Variants in EVL observed in about 807,000 individuals in gnomAD.
EVL encodes ena/VASP-like protein.
EVL carries 21 observed loss-of-function variants against 59.6 expected under a neutral mutation model. The observed-to-expected ratio is 0.35, with a 90% CI of 0.25 to 0.51. EVL has a LOEUF of 0.51. EVL is among the 20% of genes least tolerant of loss of function. The pLI, the probability that EVL is intolerant of heterozygous loss-of-function variation, is 0.97. For missense variants in EVL, 462 were observed against 546.6 expected (o/e 0.85, Z 1.54); for synonymous variants, 198 against 203.5 (o/e 0.97, Z 0.23).
At chr14:100,101,352 G>A (rs1036533889) in intron 3 of EVL, among the ~76,000 whole-genome samples, 20 of 152,152 alleles carry the variant, frequency 1.3e-4, no homozygotes, top group East Asian at 3.8e-4. Context: ...ATGATGGTGC[G>A]TGCCTGTAAT....
intron 1 of EVL, among the ~76,000 whole-genome samples, chr14:100,083,849 C>T (rs1276043675): frequency 2.0e-5 from 3 of 152,168 alleles, no homozygotes; most frequent in Non-Finnish European, 2.9e-5. Flanking sequence ...AGAATATTAT[C>T]TATGTCATAT....
intron 1 of EVL, among the ~76,000 whole-genome samples, chr14:100,000,451 G>A (rs1456921843): frequency 1.4e-5 from 2 of 147,426 alleles, no homozygotes; most frequent in South Asian, 2.1e-4. Flanking sequence ...GGGTTCAAAC[G>A]ATTCTCCTGC....
At chr14:99,987,567 G>A (rs750280571) in intron 1 of EVL, among the ~76,000 whole-genome samples, 7 of 152,144 alleles carry the variant, frequency 4.6e-5, no homozygotes, top group East Asian at 1.9e-4. Flanking sequence ...ACTTGAACCC[G>A]GGAGGTGGAG....
chr14:100,103,483 TC>T (rs1344969210), intron 3 of EVL, among the ~76,000 whole-genome samples: 1 of 152,122 alleles, frequency 6.6e-6, no homozygotes, highest in African/African-American at 2.4e-5. Flanking sequence ...AACTTCTGTC[TC>T]CCCGCTTGGC....
rs866563970 is a variant in EVL at position 99,972,202 on chromosome 14, T to A, written c.5+145T>A. 1 of 183,800 alleles carries A rather than the reference T, an allele frequency of 5.4e-6. No homozygotes were observed. Among genetic ancestry groups the A allele is most frequent in the Non-Finnish European group, 1.1e-5 (1 of 88,868 alleles). The allele number at this position is 183,800 out of a possible 1,614,324, so 11.4% of individuals were successfully genotyped here. A position where few individuals can be genotyped will look rare whatever the true frequency, so the allele number is the denominator to read the frequency against. On this transcript the variant is annotated intron_variant, in intron 1 of 13. Coordinates refer to the EVL transcript ENST00000402714. The surrounding 1 kb of genome is among the most constrained non-coding windows in gnomAD (Gnocchi z 4.4). ...AGAACCGCGGGGGCTCTGCAGAGAT[T>A]CGGGGGCATTCAGAGCGCGGGAATG...
intron 1 of EVL, among the ~76,000 whole-genome samples, chr14:100,040,094 A>C (rs955130929): frequency 1.3e-5 from 2 of 152,022 alleles, no homozygotes; most frequent in African/African-American, 4.8e-5. Context: ...TGAGCTGTTG[A>C]TCTTTGTGGC....
intron 4 of EVL, among the ~76,000 whole-genome samples, chr14:100,124,923 A>T (rs1433195016): frequency 6.6e-6 from 1 of 152,050 alleles, no homozygotes; most frequent in Non-Finnish European, 1.5e-5. Context: ...CCAAGGCAGG[A>T]CCACACACAT....
rs560325327 is a variant in EVL, at chr14:100,040,911, G to A, written c.6-43776G>A. 3.9e-5 allele frequency among the ~76,000 whole-genome samples: 6 copies of A among 152,218 alleles called. No individual in the cohort carries two copies. In the South Asian group the frequency reaches 1.2e-3, roughly 32 times the overall value. On this transcript the variant is annotated intron_variant, in intron 1 of 13. Coordinates refer to the EVL transcript ENST00000402714. ...TGGTAGTTATTAGCACATTCCCCCT[G>A]AAAAAGCATAATATGCTTAAGCTAC...
upstream of EVL, among the ~76,000 whole-genome samples, chr14:100,061,198 C>G (rs966577311): frequency 2.4e-4 from 36 of 151,616 alleles, no homozygotes; most frequent in African/African-American, 8.7e-4. Flanking sequence ...TGAGACCAGC[C>G]AGGGCAACAT....
At chr14:100,062,549 G>A (rs1251477362), upstream of EVL, among the ~76,000 whole-genome samples, 1 of 152,092 alleles carries the variant, frequency 6.6e-6, no homozygotes, top group East Asian at 1.9e-4. Flanking sequence ...AAACAGATGA[G>A]ACAAACAGAA....
At chr14:99,996,697 G>T (rs1320539970) in intron 1 of EVL, among the ~76,000 whole-genome samples, 1 of 151,940 alleles carries the variant, frequency 6.6e-6, no homozygotes, top group Non-Finnish European at 1.5e-5. Context: ...TGTCACCCAG[G>T]CTGGAGGTCA....
chr14:100,019,740 G>A (rs1053014425), intron 1 of EVL: 1 of 1,508,474 alleles, frequency 6.6e-7, no homozygotes, highest in Non-Finnish European at 8.9e-7. Context: ...GTTCTCGCTA[G>A]GTTTTTGCTG....
At chr14:100,133,471 G>C (rs996402388) in intron 8 of EVL, among the ~76,000 whole-genome samples, 2 of 152,242 alleles carry the variant, frequency 1.3e-5, no homozygotes, top group Non-Finnish European at 2.9e-5. Flanking sequence ...ACCAGAGCAG[G>C]CTTCCTGCCC....
chr14:100,134,631 G>GA, intron 8 of EVL: 1 of 152,358 alleles, frequency 6.6e-6, no homozygotes, highest in Admixed American at 6.5e-5. Flanking sequence ...ATGCTTCCTG[G>GA]TATTTCCCCA....
intron 1 of EVL, among the ~76,000 whole-genome samples, chr14:100,008,554 C>G (rs779569563): frequency 4.6e-5 from 7 of 152,204 alleles, no homozygotes; most frequent in Non-Finnish European, 1.0e-4. Context: ...GCAACTACTC[C>G]TTTACCCTTC....
intron 9 of EVL, 140 bp downstream of exon 9, chr14:100,136,108 A>G: frequency 1.2e-6 from 1 of 833,268 alleles, no homozygotes; most frequent in East Asian, 2.5e-5. Flanking sequence ...CCCATTTCTT[A>G]TGGGTCCCCC....
intron 1 of EVL, among the ~76,000 whole-genome samples, chr14:99,991,172 C>A (rs2060873690): frequency 6.6e-6 from 1 of 152,166 alleles, no homozygotes; most frequent in Non-Finnish European, 1.5e-5. Context: ...TTATCCATTT[C>A]CACTTAGTGA....
Position 100,126,706 on chromosome 14 carries a change from G to C in EVL, c.423-1G>C. 1 of 1,614,136 alleles carries C rather than the reference G, an allele frequency of 6.2e-7. No homozygotes were observed. The highest frequency in any genetic ancestry group is 1.7e-5 in the Admixed American group (1 of 60,020). On this transcript the variant is annotated splice_acceptor_variant, in intron 4 of 13. Coordinates refer to ENST00000392920, the MANE Select transcript of EVL (RefSeq NM_016337.3). LOFTEE classifies it high-confidence loss of function. ...ACTGCCCTGCTGTGATTACTTTCCA[G>C]ACAAGTGATGGAGCAGCACCAGCAG...
chr14:100,122,612 C>T (rs1426464141), intron 3 of EVL, among the ~76,000 whole-genome samples: 4 of 152,184 alleles, frequency 2.6e-5, no homozygotes, highest in Non-Finnish European at 4.4e-5. Flanking sequence ...CCCCATCCTG[C>T]GGCAGAAACA....
Sources: allele counts gnomAD v4.1 joint callset (sites outside exome capture counted in the v4.1 genomes callset), GRCh38; gene constraint gnomAD v4.1.1; non-coding constraint Gnocchi (gnomAD v3.1); transcripts MANE v1.5; gene names NCBI Gene and HGNC (gene_info 2026-07-23, HGNC 2026-07-21).